The following MEF2A variants were observed in gnomAD, a reference collection of about 807,000 sequenced individuals.
MEF2A encodes the protein myocyte enhancer factor 2A, also known as myocyte-specific enhancer factor 2A.
A neutral mutation model predicts 55.8 loss-of-function variants in MEF2A; 28 were observed. That is an observed-to-expected ratio of 0.50 (90% CI 0.37 to 0.69). The LOEUF (loss-of-function observed/expected upper bound fraction) is 0.69. Among genes scored for constraint, MEF2A ranks in the 30% least tolerant of loss-of-function variants. The pLI, the probability that MEF2A is intolerant of heterozygous loss-of-function variation, is 0.00. For missense variants in MEF2A, 528 were observed against 626.2 expected (o/e 0.84, Z 1.67); for synonymous variants, 239 against 227.1 (o/e 1.05, Z -0.47).
chr15:99,676,618 G>A (rs1000528755), intron 7 of MEF2A, among the ~76,000 whole-genome samples: 4 of 151,542 alleles, frequency 2.6e-5, no homozygotes, highest in Non-Finnish European at 5.9e-5. Context: ...TGTCGCCCAG[G>A]CTGGAGTGCA....
intron 2 of MEF2A, among the ~76,000 whole-genome samples, chr15:99,619,283 G>A (rs969892139): frequency 7.2e-5 from 11 of 152,130 alleles, no homozygotes; most frequent in African/African-American, 2.2e-4. Context: ...TAGCTGCTCC[G>A]AAAACCAAGG....
intron 4 of MEF2A, among the ~76,000 whole-genome samples, chr15:99,655,921 G>A (rs530637134): frequency 3.3e-5 from 5 of 152,004 alleles, no homozygotes; most frequent in South Asian, 2.1e-4. Context: ...TGAGGAAGCC[G>A]CGTCCAAATT....
intron 11 of MEF2A, 97 bp downstream of exon 11, chr15:99,710,857 A>G: frequency 2.9e-6 from 4 of 1,388,794 alleles, no homozygotes; most frequent in East Asian, 2.4e-5. Context: ...GTTTCGTGTG[A>G]GGAATCCTGT....
chr15:99,679,432 C>CA (rs1289319519), intron 7 of MEF2A, among the ~76,000 whole-genome samples: 1 of 152,088 alleles, frequency 6.6e-6, no homozygotes, highest in African/African-American at 2.4e-5. Context: ...TGAATGTCAC[C>CA]AAACATTATG....
intron 6 of MEF2A, 93 bp downstream of exon 6, chr15:99,674,705 T>C (rs959389445): frequency 7.4e-6 from 8 of 1,083,290 alleles, no homozygotes; most frequent in South Asian, 1.4e-5. Flanking sequence ...GCTATTCTTT[T>C]ATTGCTTTGA....
chr15:99,712,536 AGCCG>A lies in MEF2A; in HGVS notation c.1284_1287del (p.Gln428HisfsTer28), dbSNP rs2058767706. Reference sequence around the variant, plus strand: ...CAGCAGCAGCAGCAGCAGCAGCAGCAGCCGCCGCCACCACCGCAGCCCCAGCCAC... The same window carrying A: ...CAGCAGCAGCAGCAGCAGCAGCAGCACCGCCACCACCGCAGCCCCAGCCAC... On this transcript the variant is annotated frameshift_variant, in exon 12 of 12. Transcript: ENST00000557942. LOFTEE classifies it high-confidence loss of function. This position sits in a 1 kb window ranked among gnomAD's most constrained non-coding sequence, Gnocchi z 4.1. The A allele has an allele frequency of 1.4e-6, 2 of 1,380,090 alleles. No homozygotes were observed. 85.5% of individuals were successfully genotyped at this position (1,380,090 alleles called of 1,614,324 possible).
chr15:99,609,070 A>G (rs1159314021), intron 2 of MEF2A, among the ~76,000 whole-genome samples: 1 of 152,182 alleles, frequency 6.6e-6, no homozygotes, highest in African/African-American at 2.4e-5. Context: ...GATTTTAAGT[A>G]AATAGTGGCT....
rs1443320043 is a variant in MEF2A, at chr15:99,715,246, A to C, written c.*2475A>C. ...CCTTCGTTATTATTTATGCATGTTC[A>C]TGAACTTCTGCTGTACATTGGAATA... is the stretch of plus-strand genomic sequence containing the variant. On this transcript the variant is annotated 3_prime_UTR_variant, in exon 12 of 12. Coordinates refer to ENST00000557942, the MANE Select transcript of MEF2A (RefSeq NM_001319206.4). 6.6e-6 allele frequency: 1 copy of C among 152,168 alleles called. No individual in the cohort carries two copies. The highest frequency in any genetic ancestry group is 1.5e-5 in the Non-Finnish European group (1 of 68,016). The allele number at this position is 152,168 out of a possible 1,614,324, so 9.4% of individuals were successfully genotyped here.
In MEF2A at chr15:99,647,520, T is replaced by G. The variant is rs151035536; in HGVS notation, c.258+1756T>G. 2.1e-3 allele frequency among the ~76,000 whole-genome samples: 321 copies of G among 152,278 alleles called. 5 individuals carry two copies. In the East Asian group the frequency reaches 0.046, roughly 22 times the overall value. Reference sequence around the variant, plus strand: ...TACTTCACACTGCCTAAAGCTTACTTCCCTAGAGAATACGGAGAATGTAGT... The same window carrying G: ...TACTTCACACTGCCTAAAGCTTACTGCCCTAGAGAATACGGAGAATGTAGT... On this transcript the variant is annotated intron_variant, in intron 4 of 11. Coordinates refer to ENST00000557942, the MANE Select transcript of MEF2A (RefSeq NM_001319206.4).
At chr15:99,597,370 A>T (rs1047304423) in intron 1 of MEF2A, among the ~76,000 whole-genome samples, 5 of 152,150 alleles carry the variant, frequency 3.3e-5, no homozygotes, top group Non-Finnish European at 7.4e-5. Context: ...TCCCAGGCTC[A>T]TTAGGAAGAG....
intron 7 of MEF2A, among the ~76,000 whole-genome samples, chr15:99,678,386 T>A (rs1199286373): frequency 6.6e-6 from 1 of 152,242 alleles, no homozygotes; most frequent in African/African-American, 2.4e-5. Flanking sequence ...TTCTGTATTA[T>A]AAGCATGGAT....
At chr15:99,652,943 A>G (rs900174829) in intron 4 of MEF2A, among the ~76,000 whole-genome samples, 1 of 152,174 alleles carries the variant, frequency 6.6e-6, no homozygotes, top group African/African-American at 2.4e-5. Context: ...TCCTAATAAG[A>G]TGATATGCTG....
intron 4 of MEF2A, among the ~76,000 whole-genome samples, chr15:99,649,474 A>G (rs2046492209): frequency 1.3e-5 from 2 of 152,186 alleles, no homozygotes; most frequent in Admixed American, 6.5e-5. Context: ...AATGTTGTCA[A>G]AAACACACAT....
chr15:99,583,993 C>T (rs906412568), intron 1 of MEF2A, among the ~76,000 whole-genome samples: 3 of 152,170 alleles, frequency 2.0e-5, no homozygotes, highest in African/African-American at 7.2e-5. Context: ...TAGCCTATTG[C>T]TCCTAGTCTA....
chr15:99,642,310 A>T (rs903581177), intron 3 of MEF2A, among the ~76,000 whole-genome samples: 34 of 152,150 alleles, frequency 2.2e-4, no homozygotes, highest in African/African-American at 7.7e-4. Context: ...CTTAATCTGA[A>T]TATGCCATGA....
chr15:99,612,913 G>T (rs1332082400), intron 2 of MEF2A, among the ~76,000 whole-genome samples: 1 of 147,964 alleles, frequency 6.8e-6, no homozygotes, highest in Admixed American at 6.7e-5. Flanking sequence ...TCTTTAGCAA[G>T]TGAAAAAAAA....
intron 4 of MEF2A, among the ~76,000 whole-genome samples, chr15:99,668,340 G>C (rs1216254155): frequency 6.6e-6 from 1 of 152,148 alleles, no homozygotes; most frequent in Non-Finnish European, 1.5e-5. Flanking sequence ...CTTTATAGCA[G>C]CCTGTAATGT....
chr15:99,699,681 T>C (rs1024879480), intron 8 of MEF2A, among the ~76,000 whole-genome samples: 2 of 152,188 alleles, frequency 1.3e-5, no homozygotes, highest in African/African-American at 4.8e-5. Flanking sequence ...TTGGAAACTT[T>C]TGACTGGATA....
intron 2 of MEF2A, among the ~76,000 whole-genome samples, chr15:99,619,222 G>C (rs2040725876): frequency 6.6e-6 from 1 of 152,158 alleles, no homozygotes; most frequent in South Asian, 2.1e-4. Context: ...ACCTTGGGGA[G>C]AGCCCTGGAT....
Sources: gnomAD v4.1 joint callset for allele counts (sites outside exome capture counted in the v4.1 genomes callset) on GRCh38, gnomAD v4.1.1 for gene constraint, Gnocchi (gnomAD v3.1) non-coding constraint, MANE v1.5 for transcripts, NCBI Gene and HGNC (gene_info 2026-07-23, HGNC 2026-07-21) for gene names.